The following SUGCT variants were observed in gnomAD, a reference collection of about 807,000 sequenced individuals.
SUGCT encodes the protein succinyl-CoA:glutarate-CoA transferase, also known as succinyl-CoA:glutarate CoA-transferase.
A neutral mutation model predicts 55.0 loss-of-function variants in SUGCT; 41 were observed. That is an observed-to-expected ratio of 0.74 (90% CI 0.58 to 0.97). The LOEUF (loss-of-function observed/expected upper bound fraction) is 0.97. Among genes scored for constraint, SUGCT ranks in the 50% least tolerant of loss-of-function variants. The pLI is 0.00. For synonymous variants in SUGCT, 187 were observed against 200.4 expected (o/e 0.93, Z 0.56); for missense variants, 568 against 547.8 (o/e 1.04, Z -0.37).
intron 12 of SUGCT, among the ~76,000 whole-genome samples, chr7:40,564,099 C>A (rs567006311): frequency 6.6e-6 from 1 of 152,134 alleles, no homozygotes; most frequent in Non-Finnish European, 1.5e-5. Context: ...CTTGGCCGGG[C>A]GCCATGGCTC....
At chr7:40,443,991 A>G (rs1438597338) in intron 9 of SUGCT, among the ~76,000 whole-genome samples, 1 of 152,070 alleles carries the variant, frequency 6.6e-6, no homozygotes. Flanking sequence ...TCCTTTCCCC[A>G]TTTCTTGTTT....
At chr7:40,517,569 C>T (rs921485380) in intron 12 of SUGCT, among the ~76,000 whole-genome samples, 5 of 151,960 alleles carry the variant, frequency 3.3e-5, no homozygotes, top group Admixed American at 3.3e-4. Context: ...GTGTTGGTTT[C>T]CTTTAGCTGT....
intron 12 of SUGCT, among the ~76,000 whole-genome samples, chr7:40,507,555 TG>T (rs1792676200): frequency 6.6e-6 from 1 of 152,178 alleles, no homozygotes; most frequent in Non-Finnish European, 1.5e-5. Context: ...AGATTCCCTC[TG>T]CCATTGCTTC....
the SUGCT span, among the ~76,000 whole-genome samples, chr7:40,991,067 C>T: frequency 2.2e-4 from 33 of 152,198 alleles, no homozygotes; most frequent in African/African-American, 7.7e-4. Context: ...TGGCCTATTT[C>T]AGCTTTTGAC....
At chr7:40,980,600 G>A in the SUGCT span, among the ~76,000 whole-genome samples, 12 of 152,254 alleles carry the variant, frequency 7.9e-5, no homozygotes, top group African/African-American at 2.9e-4. Flanking sequence ...ACAATGGTGG[G>A]ACAGGCATAG....
chr7:40,736,654 T>C (rs1314837404), intron 12 of SUGCT, among the ~76,000 whole-genome samples: 2 of 151,916 alleles, frequency 1.3e-5, no homozygotes, highest in Admixed American at 6.6e-5. Flanking sequence ...TTGAAAACAA[T>C]AGTGAAACTC....
At chr7:40,934,057 C>A in the SUGCT span, among the ~76,000 whole-genome samples, 1 of 152,310 alleles carries the variant, frequency 6.6e-6, no homozygotes, top group Non-Finnish European at 1.5e-5. Flanking sequence ...TCTGGTTTCT[C>A]CCCATCTTTG....
intron 13 of SUGCT, among the ~76,000 whole-genome samples, chr7:40,846,758 G>T (rs1443413985): frequency 6.6e-6 from 1 of 152,114 alleles, no homozygotes; most frequent in Non-Finnish European, 1.5e-5. Context: ...CATTATGCAG[G>T]GAGGAAGTAC....
At chr7:40,412,713 A>T (rs955448860) in intron 9 of SUGCT, among the ~76,000 whole-genome samples, 9 of 152,020 alleles carry the variant, frequency 5.9e-5, no homozygotes, top group African/African-American at 2.2e-4. Flanking sequence ...TCTGACCTTT[A>T]CAAGTTTTAT....
At chr7:40,334,519 T>C (rs1286820921) in intron 9 of SUGCT, among the ~76,000 whole-genome samples, 2 of 152,240 alleles carry the variant, frequency 1.3e-5, no homozygotes, top group African/African-American at 4.8e-5. Context: ...TGAGCATTTT[T>C]TCATGTGTCT....
intron 9 of SUGCT, among the ~76,000 whole-genome samples, chr7:40,365,008 G>C (rs1258569708): frequency 2.0e-5 from 3 of 152,024 alleles, no homozygotes; most frequent in Non-Finnish European, 2.9e-5. Context: ...ATGCAAAAAT[G>C]CTCAATAAAA....
the SUGCT span, among the ~76,000 whole-genome samples, chr7:40,954,626 A>C: frequency 6.6e-6 from 1 of 152,092 alleles, no homozygotes. Flanking sequence ...TGCTGTGCAG[A>C]AGCTCTTTAG....
chr7:40,254,374 T>C (rs1790652287), intron 7 of SUGCT, among the ~76,000 whole-genome samples: 1 of 151,414 alleles, frequency 6.6e-6, no homozygotes, highest in Non-Finnish European at 1.5e-5. Flanking sequence ...AAATATCTAA[T>C]GCTTGCTAAA....
intron 12 of SUGCT, among the ~76,000 whole-genome samples, chr7:40,717,788 C>T (rs908520767): frequency 2.6e-5 from 4 of 152,010 alleles, no homozygotes; most frequent in Non-Finnish European, 4.4e-5. Context: ...CGTTTGGTTC[C>T]AGGATTTTTT....
chr7:40,947,208 C>T, the SUGCT span, among the ~76,000 whole-genome samples: 1 of 152,276 alleles, frequency 6.6e-6, no homozygotes, highest in East Asian at 1.9e-4. Flanking sequence ...TTCACCTCTG[C>T]CAGCTCAAAT....
the SUGCT span, among the ~76,000 whole-genome samples, chr7:40,972,395 A>C: frequency 4.6e-5 from 7 of 152,344 alleles, 1 homozygote; most frequent in East Asian, 1.4e-3. Flanking sequence ...AGAAGACATA[A>C]GATGTTGGAT....
At chr7:40,950,813 G>C in the SUGCT span, among the ~76,000 whole-genome samples, 1 of 152,162 alleles carries the variant, frequency 6.6e-6, no homozygotes, top group African/African-American at 2.4e-5. Context: ...AAGCCCACTT[G>C]ATCATGGTGG....
chr7:40,463,700 A>G (rs1274461360), intron 11 of SUGCT, among the ~76,000 whole-genome samples: 1 of 152,136 alleles, frequency 6.6e-6, no homozygotes, highest in Admixed American at 6.5e-5. Flanking sequence ...ATTCCCCTCA[A>G]ATGCTCTCAA....
chr7:40,492,684 T>A (rs1791754754), intron 11 of SUGCT, among the ~76,000 whole-genome samples: 1 of 152,214 alleles, frequency 6.6e-6, no homozygotes, highest in Admixed American at 6.5e-5. Context: ...CTTTCATATG[T>A]CTAATTCTAA....
Sources: allele counts gnomAD v4.1 joint callset (sites outside exome capture counted in the v4.1 genomes callset), GRCh38; gene constraint gnomAD v4.1.1; transcripts MANE v1.5; gene names NCBI Gene and HGNC (gene_info 2026-07-23, HGNC 2026-07-21).